CSMD3: variants seen among roughly 807,000 people sequenced by gnomAD.
CSMD3 encodes the protein CUB and sushi domain-containing protein 3.
CSMD3 carries 177 observed loss-of-function variants against 435.2 expected under a neutral mutation model. The ratio of observed to expected loss-of-function variants is 0.41; its 90% CI spans 0.36 to 0.46. The LOEUF (loss-of-function observed/expected upper bound fraction) is 0.46, where lower values mean the gene tolerates loss of function less well. Among genes scored for constraint, CSMD3 ranks in the 20% least tolerant of loss-of-function variants. The probability of loss-of-function intolerance (pLI) is 0.34; values close to 1 mark genes in which losing one functional copy is unlikely to be tolerated. For synonymous variants in CSMD3, 1,656 were observed against 1,520.5 expected (o/e 1.09, Z -2.07); for missense variants, 4,265 against 4,504.6 (o/e 0.95, Z 1.52).
intron 13 of CSMD3, among the ~76,000 whole-genome samples, chr8:112,792,638 T>C (rs1045375368): frequency 3.9e-5 from 6 of 152,168 alleles, no homozygotes; most frequent in Non-Finnish European, 8.8e-5. Context: ...TAACTAGGCT[T>C]TTCTTCTATG....
At chr8:112,745,654 G>A (rs1184748290) in intron 13 of CSMD3, among the ~76,000 whole-genome samples, 1 of 151,580 alleles carries the variant, frequency 6.6e-6, no homozygotes, top group African/African-American at 2.4e-5. Context: ...ATTTACTAAT[G>A]TCAATTCTAA....
chr8:112,941,819 A>AAT, intron 9 of CSMD3, among the ~76,000 whole-genome samples: 1 of 151,776 alleles, frequency 6.6e-6, no homozygotes, highest in South Asian at 2.1e-4. Context: ...AGGTTTATAA[A>AAT]ATAATCACAG....
At chr8:112,490,139 T>C (rs2130840270) in intron 31 of CSMD3, among the ~76,000 whole-genome samples, 1 of 152,282 alleles carries the variant, frequency 6.6e-6, no homozygotes, top group South Asian at 2.1e-4. Context: ...TATTCCAACT[T>C]TTGTCAGAAA....
chr8:112,394,578 C>A (rs1435172144), intron 35 of CSMD3, among the ~76,000 whole-genome samples: 2 of 152,114 alleles, frequency 1.3e-5, no homozygotes, highest in Non-Finnish European at 2.9e-5. Flanking sequence ...GTGGCTTGAA[C>A]ACGTCAAGAT....
At chr8:112,608,380 T>C (rs936889437) in intron 22 of CSMD3, among the ~76,000 whole-genome samples, 7 of 152,128 alleles carry the variant, frequency 4.6e-5, no homozygotes, top group South Asian at 4.1e-4. Context: ...CAAAGCAGTA[T>C]ACAGGTTTAA....
At chr8:112,987,693 C>A (rs913089605) in intron 6 of CSMD3, among the ~76,000 whole-genome samples, 2 of 152,054 alleles carry the variant, frequency 1.3e-5, no homozygotes, top group African/African-American at 4.8e-5. Flanking sequence ...AGCATGTAAA[C>A]ACTTGTATGT....
At chr8:112,501,858 G>C (rs932019539) in intron 30 of CSMD3, among the ~76,000 whole-genome samples, 15 of 152,006 alleles carry the variant, frequency 9.9e-5, no homozygotes, top group Non-Finnish European at 2.2e-4. Flanking sequence ...GTATCATAAA[G>C]GACTTAATAA....
At chr8:112,917,658 T>C (rs978268513) in intron 10 of CSMD3, among the ~76,000 whole-genome samples, 3 of 151,914 alleles carry the variant, frequency 2.0e-5, no homozygotes, top group Non-Finnish European at 4.4e-5. Context: ...GATTAATCTG[T>C]CAGTAACAGG....
At chr8:112,229,914 A>C (rs1222822280) in intron 69 of CSMD3, among the ~76,000 whole-genome samples, 1 of 151,994 alleles carries the variant, frequency 6.6e-6, no homozygotes, top group East Asian at 1.9e-4. Flanking sequence ...AGGAATTAAA[A>C]TTTAAACTAG....
At chr8:112,253,115 C>T (rs555391116) in intron 63 of CSMD3, among the ~76,000 whole-genome samples, 1 of 151,928 alleles carries the variant, frequency 6.6e-6, no homozygotes, top group East Asian at 1.9e-4. Flanking sequence ...ACTAACATCA[C>T]AATTTTGTAT....
intron 5 of CSMD3, among the ~76,000 whole-genome samples, chr8:113,086,142 G>A (rs199598074): frequency 3.3e-5 from 5 of 151,890 alleles, no homozygotes; most frequent in South Asian, 2.1e-4. Flanking sequence ...CCAGCTACTC[G>A]GGAGGCTGAG....
chr8:112,687,197 G>A (rs944962693), intron 14 of CSMD3, among the ~76,000 whole-genome samples: 1 of 151,770 alleles, frequency 6.6e-6, no homozygotes, highest in Non-Finnish European at 1.5e-5. Flanking sequence ...TACAACACCC[G>A]TAACAGTATA....
intron 42 of CSMD3, among the ~76,000 whole-genome samples, chr8:112,339,164 A>C (rs1210702238): frequency 3.9e-5 from 6 of 152,094 alleles, no homozygotes; most frequent in Admixed American, 3.3e-4. Context: ...GTCTGCAACC[A>C]ATCAGACTGA....
chr8:112,886,276 A>AT (rs1393300196), intron 10 of CSMD3, among the ~76,000 whole-genome samples: 3 of 151,688 alleles, frequency 2.0e-5, no homozygotes, highest in African/African-American at 7.2e-5. Flanking sequence ...ATATGTATTC[A>AT]TTTAATGACA....
chr8:112,730,141 G>A (rs985103535), intron 13 of CSMD3, among the ~76,000 whole-genome samples: 1 of 151,998 alleles, frequency 6.6e-6, no homozygotes, highest in African/African-American at 2.4e-5. Context: ...TTTTGTTTGT[G>A]AAGAGATTAA....
At chr8:112,870,674 T>A (rs2081110549) in intron 10 of CSMD3, among the ~76,000 whole-genome samples, 1 of 152,194 alleles carries the variant, frequency 6.6e-6, no homozygotes, top group African/African-American at 2.4e-5. Context: ...TTGTGAAGGC[T>A]GAGTGCTGGA....
At chr8:112,284,766 G>A (rs1198941047) in intron 58 of CSMD3, among the ~76,000 whole-genome samples, 1 of 151,816 alleles carries the variant, frequency 6.6e-6, no homozygotes, top group African/African-American at 2.4e-5. Context: ...TGAAGCAATA[G>A]ATATATCCCA....
At chr8:113,337,607 G>C (rs987871386) in intron 1 of CSMD3, among the ~76,000 whole-genome samples, 1 of 151,918 alleles carries the variant, frequency 6.6e-6, no homozygotes, top group African/African-American at 2.4e-5. Flanking sequence ...GAAAGCACAA[G>C]AGAAAATTTA....
chr8:112,471,412 T>C (rs1201320598), intron 32 of CSMD3, among the ~76,000 whole-genome samples: 2 of 152,210 alleles, frequency 1.3e-5, no homozygotes, highest in African/African-American at 4.8e-5. Flanking sequence ...TGTCGTTTTC[T>C]TCACTATCAA....
Sources: gnomAD v4.1 joint callset for allele counts (sites outside exome capture counted in the v4.1 genomes callset) on GRCh38, gnomAD v4.1.1 for gene constraint, MANE v1.5 for transcripts, NCBI Gene and HGNC (gene_info 2026-07-23, HGNC 2026-07-21) for gene names.